The following AFF1 variants were observed in gnomAD, a reference collection of about 807,000 sequenced individuals.
AFF1 encodes ALF transcription elongation factor 1, also known as AF4/FMR2 family member 1.
A neutral mutation model predicts 121.7 loss-of-function variants in AFF1; 48 were observed. That is an observed-to-expected ratio of 0.39 (90% confidence interval 0.31 to 0.50). AFF1 has a LOEUF of 0.50. AFF1 is among the 20% of genes least tolerant of loss of function. AFF1 has a pLI of 0.76. For missense variants in AFF1, 1,523 were observed against 1,511.7 expected, an observed-to-expected ratio of 1.01 and a Z score of -0.12; for synonymous variants, 613 against 563.0, an observed-to-expected ratio of 1.09 and a Z score of -1.26.
intron 2 of AFF1, chr4:87,007,401 C>G (rs1440118491): frequency 6.2e-7 from 1 of 1,613,950 alleles, no homozygotes; most frequent in East Asian, 2.2e-5. Flanking sequence ...GCTCTATAAG[C>G]TGAATTATGG....
chr4:87,022,592 A>ATATATG (rs1465084690), intron 2 of AFF1, among the ~76,000 whole-genome samples: 1 of 99,826 alleles, frequency 1.0e-5, no homozygotes, highest in Non-Finnish European at 1.8e-5. Flanking sequence ...ATCTATCTAT[A>ATATATG]TCTATCTGTG....
chr4:87,043,455 T>C (rs1236636145), intron 2 of AFF1, among the ~76,000 whole-genome samples: 1 of 152,234 alleles, frequency 6.6e-6, no homozygotes, highest in Non-Finnish European at 1.5e-5. Flanking sequence ...AAGGAAAAAG[T>C]GATTTCCTAA....
intron 1 of AFF1, among the ~76,000 whole-genome samples, chr4:86,946,777 C>G (rs150144419): frequency 1.3e-3 from 195 of 152,134 alleles, no homozygotes; most frequent in African/African-American, 4.6e-3. Flanking sequence ...GAACTCAGGA[C>G]CCCTCTCAGA....
intron 4 of AFF1, among the ~76,000 whole-genome samples, chr4:87,062,603 G>T (rs1006090478): frequency 1.3e-5 from 2 of 152,120 alleles, no homozygotes; most frequent in African/African-American, 4.8e-5. Context: ...AAGTCCAATA[G>T]CATATCCTTT....
At chr4:87,030,636 A>G (rs1728980269) in intron 2 of AFF1, among the ~76,000 whole-genome samples, 1 of 142,318 alleles carries the variant, frequency 7.0e-6, no homozygotes, top group Non-Finnish European at 1.6e-5. Context: ...ATATTCGTTT[A>G]AAACTTACAC....
chr4:87,134,627 C>T lies in AFF1; in HGVS notation c.3468C>T (p.Ile1156=), dbSNP rs759840274. Residue 1156 remains isoleucine, a synonymous_variant, in exon 20 of 21, where the codon ATC becomes ATT. Transcript: ENST00000395146. ...ATATGACATCTTCCTATGTCACCAT[C>T]ACATCCCATGTTCTTACCGCCTTTG... ...IQNMTSSYVT[I]TSHVLTAFDL... The T allele has an allele frequency of 1.9e-6, 3 of 1,614,174 alleles. No homozygotes were observed. The highest frequency in any genetic ancestry group is 2.5e-6 in the Non-Finnish European group (3 of 1,180,028).
At chr4:87,108,420 C>G in intron 11 of AFF1, 105 bp downstream of exon 11, 4 of 1,277,210 alleles carry the variant, frequency 3.1e-6, no homozygotes, top group Non-Finnish European at 4.3e-6. Context: ...CTGAGTCATT[C>G]TGTCCCATGG....
At chr4:86,984,996 T>C (rs954485328) in intron 2 of AFF1, among the ~76,000 whole-genome samples, 1 of 151,390 alleles carries the variant, frequency 6.6e-6, no homozygotes, top group Non-Finnish European at 1.5e-5. Context: ...GGTATTATTA[T>C]TGTACTTGTT....
intron 1 of AFF1, among the ~76,000 whole-genome samples, chr4:86,945,587 C>T (rs1488281303): frequency 6.8e-6 from 1 of 148,110 alleles, no homozygotes; most frequent in Non-Finnish European, 1.5e-5. Context: ...GCAGCTTCCT[C>T]CTTCCTGGGC....
intron 1 of AFF1, among the ~76,000 whole-genome samples, chr4:86,947,747 A>C (rs1720969111): frequency 6.6e-6 from 1 of 152,190 alleles, no homozygotes; most frequent in Admixed American, 6.5e-5. Flanking sequence ...CAGATTGGAT[A>C]ATAATTTTTC....
At chr4:86,972,821 T>G (rs952708518) in intron 2 of AFF1, among the ~76,000 whole-genome samples, 1 of 152,212 alleles carries the variant, frequency 6.6e-6, no homozygotes, top group Non-Finnish European at 1.5e-5. Flanking sequence ...ATTACAGGCC[T>G]GAGCTAGCAC....
chr4:87,029,020 GAGTGTCCTCCCA>G (rs1335759745), intron 2 of AFF1, among the ~76,000 whole-genome samples: 1 of 152,168 alleles, frequency 6.6e-6, no homozygotes, highest in Non-Finnish European at 1.5e-5. Context: ...GGGGGTGAGT[GAGTGTCCTCCCA>G]GGTAAATTAA....
In AFF1 at chr4:87,114,843, GC is replaced by G; in HGVS notation, c.2016del (p.Ser673ProfsTer41). 1 of 1,613,816 alleles carries G rather than the reference GC, an allele frequency of 6.2e-7. No individual in the cohort carries two copies. The highest frequency in any genetic ancestry group is 8.5e-7 in the Non-Finnish European group (1 of 1,179,886). On this transcript the variant is annotated frameshift_variant, in exon 12 of 21. Coordinates refer to ENST00000395146, the MANE Select transcript of AFF1 (RefSeq NM_001166693.3). LOFTEE classifies it high-confidence loss of function. ...AASNEPKPAV[P>X]PSSEKKKHKS... ...CAAGCAACGAACCCAAGCCAGCAGT[GC>G]CCCCCTCCAGTGAGAAGAAGAAGCA...
At chr4:86,979,179 C>T (rs1337392806) in intron 2 of AFF1, among the ~76,000 whole-genome samples, 2 of 152,170 alleles carry the variant, frequency 1.3e-5, no homozygotes. Context: ...CTCACTGCAA[C>T]CTCCGCCTCT....
intron 2 of AFF1, among the ~76,000 whole-genome samples, chr4:86,974,308 G>T (rs773450100): frequency 6.6e-6 from 1 of 151,894 alleles, no homozygotes; most frequent in East Asian, 1.9e-4. Flanking sequence ...CCACCACGCC[G>T]GGCTAATTTT....
intron 8 of AFF1, among the ~76,000 whole-genome samples, chr4:87,095,941 T>G (rs535507525): frequency 1.3e-5 from 2 of 150,268 alleles, no homozygotes; most frequent in African/African-American, 5.1e-5. Context: ...GCTCCAACTT[T>G]CCTTTAGTTT....
chr4:87,106,369 C>T (rs1044337338), intron 10 of AFF1, among the ~76,000 whole-genome samples: 1 of 152,168 alleles, frequency 6.6e-6, no homozygotes, highest in Non-Finnish European at 1.5e-5. Flanking sequence ...GGTGACAGAG[C>T]GAGACTCTGT....
At position 87,088,566 on chromosome 4, in the gene AFF1, T is replaced by C. The variant is rs541002752; in HGVS notation, c.1105-1418T>C. On this transcript the variant is annotated intron_variant, in intron 5 of 20. Transcript: ENST00000395146. The stretch of plus-strand genomic sequence containing the variant: ...GTTATACAGGTGGAGTAATATAGCA[T>C]GCTGTGGGGTCGCAGATTGCTGGTA... 9.2e-5 allele frequency among the ~76,000 whole-genome samples: 14 copies of C among 152,170 alleles called. No homozygotes were observed. The East Asian group carries it at 2.5e-3, about 27-fold the overall frequency.
chr4:86,994,048 T>C (rs1040499041), intron 2 of AFF1, among the ~76,000 whole-genome samples: 1 of 152,260 alleles, frequency 6.6e-6, no homozygotes, highest in African/African-American at 2.4e-5. Flanking sequence ...GCATTTCTTA[T>C]AGGCCTCTCA....
Sources: gnomAD v4.1 joint callset for allele counts (sites outside exome capture counted in the v4.1 genomes callset) on GRCh38, gnomAD v4.1.1 for gene constraint, MANE v1.5 for transcripts, NCBI Gene and HGNC (gene_info 2026-07-23, HGNC 2026-07-21) for gene names.